The following SLC39A11 variants were observed in gnomAD, a reference collection of about 807,000 sequenced individuals.
The protein encoded by SLC39A11 is zinc transporter ZIP11.
A neutral mutation model predicts 36.1 loss-of-function variants in SLC39A11; 33 were observed. The observed-to-expected ratio is 0.91, with a 90% CI of 0.69 to 1.22. The LOEUF (loss-of-function observed/expected upper bound fraction) is 1.22, where lower values mean the gene tolerates loss of function less well. Ranked by LOEUF, SLC39A11 falls within the 50% of genes most tolerant of loss-of-function variation. SLC39A11 has a pLI of 0.00. For missense variants in SLC39A11, 432 were observed against 430.3 expected, an observed-to-expected ratio of 1.00 and a Z score of -0.03; for synonymous variants, 166 against 170.3, an observed-to-expected ratio of 0.97 and a Z score of 0.20.
At chr17:72,769,870 A>G (rs956683115) in intron 6 of SLC39A11, among the ~76,000 whole-genome samples, 2 of 152,188 alleles carry the variant, frequency 1.3e-5, no homozygotes, top group Non-Finnish European at 2.9e-5. Context: ...GGAAAGGCCA[A>G]TCAGAAACTC....
chr17:72,971,050 A>C (rs2148043692), intron 4 of SLC39A11, among the ~76,000 whole-genome samples: 1 of 152,298 alleles, frequency 6.6e-6, no homozygotes, highest in East Asian at 1.9e-4. Context: ...GGAGAGGCTG[A>C]CTGTCCTGCC....
rs1599125709 is a variant in SLC39A11 at position 73,068,251 on chromosome 17, G to A, written c.147+16557C>T. The stretch of plus-strand genomic sequence containing the variant: ...GTCCTTCCCCTCCAGTAGCACTTGA[G>A]GGAGGAAGCTGCAACATGGACTGCG... On this transcript the variant is annotated intron_variant, in intron 3 of 9. Transcript: ENST00000255559. The A allele has an allele frequency of 6.5e-6, 5 of 767,974 alleles. No individual in the cohort carries two copies. In the Admixed American group the frequency reaches 7.1e-5, roughly 11 times the overall value. The allele number at this position is 767,974 out of a possible 1,614,324, so 47.6% of individuals were successfully genotyped here. A position where few individuals can be genotyped will look rare whatever the true frequency, so the allele number is the denominator to read the frequency against.
intron 4 of SLC39A11, among the ~76,000 whole-genome samples, chr17:72,980,040 GCT>G (rs1418682151): frequency 1.2e-4 from 18 of 152,234 alleles, no homozygotes; most frequent in African/African-American, 4.3e-4. Flanking sequence ...CAGCCACCCT[GCT>G]CTGTTAAGAC....
At chr17:72,999,507 A>AC (rs2089697789) in intron 4 of SLC39A11, among the ~76,000 whole-genome samples, 1 of 152,192 alleles carries the variant, frequency 6.6e-6, no homozygotes, top group South Asian at 2.1e-4. Context: ...CTAAACCATC[A>AC]AACAGTTCTC....
intron 6 of SLC39A11, among the ~76,000 whole-genome samples, chr17:72,793,318 T>G (rs1010505757): frequency 6.6e-6 from 1 of 152,156 alleles, no homozygotes; most frequent in African/African-American, 2.4e-5. Flanking sequence ...AGGTTTTGGC[T>G]GGCACATCTT....
At chr17:72,817,435 C>G (rs372070839) in intron 6 of SLC39A11, among the ~76,000 whole-genome samples, 2 of 151,866 alleles carry the variant, frequency 1.3e-5, no homozygotes, top group African/African-American at 4.8e-5. Context: ...AACTTGCTCC[C>G]AGGAGAATGG....
chr17:72,743,538 C>T (rs2144154468), intron 6 of SLC39A11, among the ~76,000 whole-genome samples: 1 of 152,234 alleles, frequency 6.6e-6, no homozygotes, highest in South Asian at 2.1e-4. Context: ...AGGCATCAGC[C>T]CACTTTCCCC....
At chr17:72,756,442 T>C (rs1336137130) in intron 6 of SLC39A11, among the ~76,000 whole-genome samples, 2 of 152,220 alleles carry the variant, frequency 1.3e-5, no homozygotes, top group Non-Finnish European at 2.9e-5. Flanking sequence ...AATGGAATAG[T>C]ATACTGCCTT....
intron 6 of SLC39A11, among the ~76,000 whole-genome samples, chr17:72,819,699 T>C (rs1414845516): frequency 6.6e-6 from 1 of 151,268 alleles, no homozygotes; most frequent in Admixed American, 6.6e-5. Flanking sequence ...ACTGAATGCA[T>C]TTTAGGCTTT....
chr17:72,739,687 G>C (rs2074589654), intron 6 of SLC39A11, among the ~76,000 whole-genome samples: 1 of 152,140 alleles, frequency 6.6e-6, no homozygotes, highest in Non-Finnish European at 1.5e-5. Context: ...CACAGAGAAG[G>C]CTCCAAAACC....
intron 7 of SLC39A11, among the ~76,000 whole-genome samples, chr17:72,718,107 T>C (rs2073485059): frequency 6.6e-6 from 1 of 152,214 alleles, no homozygotes; most frequent in African/African-American, 2.4e-5. Flanking sequence ...TGTGGATTTT[T>C]TACCTAGGCT....
chr17:73,088,602 C>T (rs2060819443), intron 2 of SLC39A11, 55 bp downstream of exon 2: 4 of 1,403,260 alleles, frequency 2.9e-6, no homozygotes, highest in Admixed American at 3.7e-5. Flanking sequence ...TGGGACAGTG[C>T]CCCTTTACCA....
chr17:73,088,427 G>A (rs2060811394), intron 2 of SLC39A11, among the ~76,000 whole-genome samples: 1 of 152,190 alleles, frequency 6.6e-6, no homozygotes, highest in South Asian at 2.1e-4. Context: ...AGGGTCAAGA[G>A]GGGAGATGAT....
chr17:72,692,584 G>C (rs59094888), intron 7 of SLC39A11, among the ~76,000 whole-genome samples: 1 of 152,256 alleles, frequency 6.6e-6, no homozygotes, highest in African/African-American at 2.4e-5. Flanking sequence ...TCACTATCAC[G>C]AGAATAGCAC....
chr17:72,766,137 C>T (rs528981162), intron 6 of SLC39A11, among the ~76,000 whole-genome samples: 48 of 152,174 alleles, frequency 3.2e-4, no homozygotes, highest in Non-Finnish European at 6.0e-4. Context: ...GGTCCCAGCT[C>T]TAGACCAGGG....
At chr17:72,788,994 T>G (rs2076606961) in intron 6 of SLC39A11, among the ~76,000 whole-genome samples, 1 of 152,150 alleles carries the variant, frequency 6.6e-6, no homozygotes, top group Middle Eastern at 3.2e-3. Flanking sequence ...AGCATCAGAT[T>G]CTTAGAGGCC....
At chr17:72,870,936 TA>T (rs2080579915) in intron 5 of SLC39A11, among the ~76,000 whole-genome samples, 1 of 152,210 alleles carries the variant, frequency 6.6e-6, no homozygotes, top group Admixed American at 6.5e-5. Context: ...ACAGAGCTCT[TA>T]AAATCCTTGT....
intron 7 of SLC39A11, among the ~76,000 whole-genome samples, chr17:72,728,762 C>T (rs1247728246): frequency 6.6e-6 from 1 of 152,154 alleles, no homozygotes; most frequent in African/African-American, 2.4e-5. Context: ...TACCCTGGGC[C>T]TGTACTGGGT....
In SLC39A11 at chr17:73,088,832, A is replaced by G. The variant is rs1431735559; in HGVS notation, c.-11-57T>C. 4 of 1,301,624 alleles carry G rather than the reference A, an allele frequency of 3.1e-6. No individual in the cohort carries two copies. The South Asian group carries it at 3.8e-5, about 12-fold the overall frequency. The allele number at this position is 1,301,624 out of a possible 1,614,324, so 80.6% of individuals were successfully genotyped here. ...GGTGGTCCGTTTCAGTGACAGGCGC[A>G]TATTCTGACGGGTCCTAACACCCTG... On this transcript the variant is annotated intron_variant, in intron 1 of 9. Coordinates refer to ENST00000255559, the MANE Select transcript of SLC39A11 (RefSeq NM_139177.4).
Sources: gnomAD v4.1 joint callset for allele counts (sites outside exome capture counted in the v4.1 genomes callset) on GRCh38, gnomAD v4.1.1 for gene constraint, MANE v1.5 for transcripts, NCBI Gene and HGNC (gene_info 2026-07-23, HGNC 2026-07-21) for gene names.